The following ADAMTS3 variants were observed in gnomAD, a reference collection of about 807,000 sequenced individuals.
The protein encoded by ADAMTS3 is A disintegrin and metalloproteinase with thrombospondin motifs 3.
Under a neutral mutation model 129.0 loss-of-function variants are expected in ADAMTS3, and 73 were observed. The ratio of observed to expected loss-of-function variants is 0.57; its 90% confidence interval spans 0.47 to 0.69. The LOEUF is 0.69. ADAMTS3 is among the 30% of genes least tolerant of loss of function. The pLI is 0.00. For synonymous variants in ADAMTS3, 477 were observed against 510.8 expected, an observed-to-expected ratio of 0.93 and a Z score of 0.89; for missense variants, 1,457 against 1,514.5, an observed-to-expected ratio of 0.96 and a Z score of 0.63.
chr4:72,339,430 G>A (rs746481875), intron 5 of ADAMTS3, 64 bp downstream of exon 5: 29 of 1,533,874 alleles, frequency 1.9e-5, no homozygotes, highest in Non-Finnish European at 2.6e-5. Context: ...TTGCCAAAGG[G>A]TACCAACAAA....
At chr4:72,532,053 CA>C (rs34075436) in intron 3 of ADAMTS3, among the ~76,000 whole-genome samples, 2,586 of 125,062 alleles carry the variant, frequency 0.021, 63 homozygotes, top group African/African-American at 0.067. Flanking sequence ...GTATTACAGA[CA>C]AAAAAAAAAA....
intron 4 of ADAMTS3, among the ~76,000 whole-genome samples, chr4:72,341,777 G>T (rs1720143483): frequency 6.6e-6 from 1 of 152,172 alleles, no homozygotes; most frequent in Admixed American, 6.5e-5. Context: ...TAGTTTTCTG[G>T]TAAGGAAACA....
chr4:72,414,735 A>G (rs1352526455), intron 4 of ADAMTS3, 80 bp downstream of exon 4: 2 of 1,080,380 alleles, frequency 1.9e-6, no homozygotes, highest in Non-Finnish European at 2.5e-6. Flanking sequence ...TGGCAATCAC[A>G]TTCTCTTACT....
intron 4 of ADAMTS3, among the ~76,000 whole-genome samples, chr4:72,350,199 T>C (rs1033562819): frequency 5.3e-5 from 8 of 152,072 alleles, no homozygotes; most frequent in African/African-American, 1.9e-4. Context: ...GTCTAAGGAA[T>C]AAAATATGCC....
rs571633553 is a variant in ADAMTS3, at chr4:72,381,210, A to T, written c.661+33605T>A. Reference sequence around the variant, plus strand: ...AATTCTAATAAAAAATCACAGCAAAACCTATGTGCATTTAATAGTATAGTA... The same window carrying T: ...AATTCTAATAAAAAATCACAGCAAATCCTATGTGCATTTAATAGTATAGTA... On this transcript the variant is annotated intron_variant, in intron 4 of 21. Transcript: ENST00000286657. Among the ~76,000 whole-genome samples, 9 of 152,256 alleles carry T rather than the reference A, an allele frequency of 5.9e-5. No individual in the cohort carries two copies. In the South Asian group the frequency reaches 1.4e-3, roughly 25 times the overall value.
intron 4 of ADAMTS3, among the ~76,000 whole-genome samples, chr4:72,347,974 A>C (rs1720332003): frequency 6.6e-6 from 1 of 152,046 alleles, no homozygotes; most frequent in South Asian, 2.1e-4. Context: ...ACTTCTCCAG[A>C]AACTCTACAT....
At chr4:72,362,396 T>C (rs1720751523) in intron 4 of ADAMTS3, among the ~76,000 whole-genome samples, 2 of 152,162 alleles carry the variant, frequency 1.3e-5, no homozygotes, top group South Asian at 4.1e-4. Flanking sequence ...ATTTGTTTTC[T>C]CTGTTCAAAC....
chr4:72,392,383 C>T (rs902373102), intron 4 of ADAMTS3, among the ~76,000 whole-genome samples: 1 of 152,194 alleles, frequency 6.6e-6, no homozygotes, highest in African/African-American at 2.4e-5. Flanking sequence ...CCTTGTCCAT[C>T]ACCACCCTAT....
intron 3 of ADAMTS3, among the ~76,000 whole-genome samples, chr4:72,515,915 C>T (rs1720459451): frequency 1.3e-5 from 2 of 152,182 alleles, no homozygotes; most frequent in Admixed American, 1.3e-4. Context: ...CTTGTGCATG[C>T]CTATGTCCTG....
intron 4 of ADAMTS3, among the ~76,000 whole-genome samples, chr4:72,406,324 G>T (rs73824598): frequency 1.3e-5 from 2 of 152,046 alleles, no homozygotes; most frequent in African/African-American, 4.8e-5. Flanking sequence ...GTTAATATAG[G>T]ATAATTTCAT....
At chr4:72,446,842 A>C (rs910770059) in intron 3 of ADAMTS3, among the ~76,000 whole-genome samples, 1 of 151,630 alleles carries the variant, frequency 6.6e-6, no homozygotes, top group African/African-American at 2.4e-5. Flanking sequence ...TCCCTTCTCT[A>C]GTTTGGCTGA....
intron 3 of ADAMTS3, among the ~76,000 whole-genome samples, chr4:72,489,578 T>C (rs1018872981): frequency 2.0e-5 from 3 of 151,952 alleles, no homozygotes; most frequent in Non-Finnish European, 4.4e-5. Flanking sequence ...GCAGATGTTC[T>C]TCCTTCTGAG....
intron 4 of ADAMTS3, among the ~76,000 whole-genome samples, chr4:72,358,847 C>T (rs1425390888): frequency 6.6e-6 from 1 of 151,914 alleles, no homozygotes; most frequent in Non-Finnish European, 1.5e-5. Context: ...ATAATATAAA[C>T]TCAGGGTCAG....
At chr4:72,381,442 A>C (rs1721286736) in intron 4 of ADAMTS3, among the ~76,000 whole-genome samples, 1 of 152,036 alleles carries the variant, frequency 6.6e-6, no homozygotes, top group Non-Finnish European at 1.5e-5. Flanking sequence ...CACCTCCATT[A>C]TTCAATGAAA....
chr4:72,310,231 G>C (rs1035580582), intron 14 of ADAMTS3, among the ~76,000 whole-genome samples: 2 of 151,962 alleles, frequency 1.3e-5, no homozygotes, highest in African/African-American at 2.4e-5. Flanking sequence ...CTGAACCAAG[G>C]CATGTTCTTA....
At chr4:72,496,765 T>A (rs1719883603) in intron 3 of ADAMTS3, among the ~76,000 whole-genome samples, 1 of 152,048 alleles carries the variant, frequency 6.6e-6, no homozygotes, top group Admixed American at 6.6e-5. Flanking sequence ...GCCTCCTCAC[T>A]TTACATGGAC....
At chr4:72,348,010 G>A (rs139643546) in intron 4 of ADAMTS3, among the ~76,000 whole-genome samples, 1 of 151,878 alleles carries the variant, frequency 6.6e-6, no homozygotes, top group South Asian at 2.1e-4. Flanking sequence ...CTCCAATATG[G>A]AATGATTAAT....
intron 3 of ADAMTS3, among the ~76,000 whole-genome samples, 158 bp from the exon 4 acceptor site, chr4:72,415,129 ATAAT>A (rs5859320): frequency 0.67 from 101,122 of 151,372 alleles, 34,394 homozygotes; most frequent in South Asian, 0.8. Context: ...TTAACTATCA[ATAAT>A]TAATTCATAT....
At chr4:72,383,261 G>A (rs773665677) in intron 4 of ADAMTS3, among the ~76,000 whole-genome samples, 5 of 152,136 alleles carry the variant, frequency 3.3e-5, no homozygotes, top group Admixed American at 6.6e-5. Flanking sequence ...AAAAAAAGCA[G>A]CTTTCTGAAG....
Sources: allele counts gnomAD v4.1 joint callset (sites outside exome capture counted in the v4.1 genomes callset), GRCh38; gene constraint gnomAD v4.1.1; transcripts MANE v1.5; gene names NCBI Gene and HGNC (gene_info 2026-07-23, HGNC 2026-07-21).